TUBA3D: variants seen among roughly 807,000 people sequenced by gnomAD.
TUBA3D encodes the protein tubulin alpha-3D chain.
TUBA3D carries 24 observed loss-of-function variants against 36.1 expected under a neutral mutation model. The ratio of observed to expected loss-of-function variants is 0.66; its 90% CI spans 0.48 to 0.93. TUBA3D has a LOEUF of 0.93. TUBA3D is among the 40% of genes least tolerant of loss of function. TUBA3D has a pLI of 0.00. For missense variants in TUBA3D, 356 were observed against 614.5 expected (o/e 0.58, Z 4.45); for synonymous variants, 185 against 247.2 (o/e 0.75, Z 2.36).
chr2:131,479,244 G>C (rs1009218048), intron 2 of TUBA3D, 64 bp from the exon 3 acceptor site: 1 of 1,578,964 alleles, frequency 6.3e-7, no homozygotes, highest in Non-Finnish European at 8.6e-7. Context: ...AACACTCCTG[G>C]AATGTGTCCA....
In TUBA3D at chr2:131,480,659, C is replaced by T. The variant is rs755153413; in HGVS notation, c.966C>T (p.Asp322=). Residue 322 remains aspartate, a synonymous_variant, in exon 4 of 5, where the codon GAC becomes GAT. Coordinates refer to ENST00000321253, the MANE Select transcript of TUBA3D (RefSeq NM_080386.4). ...CCTGCTGCATGTTGTACAGGGGGGA[C>T]GTGGTCCCCAAAGACGTCAACGCGG... ...YMACCMLYRG[D]VVPKDVNAAI... 25 of 1,613,724 alleles carry T rather than the reference C, an allele frequency of 1.5e-5. No individual in the cohort carries two copies. The highest frequency in any genetic ancestry group is 1.4e-4 in the South Asian group (13 of 91,082).
At position 131,476,190 on chromosome 2, in the gene TUBA3D, G is replaced by A. The variant is rs139373599; in HGVS notation, c.-10G>A. The A allele has an allele frequency of 6.8e-3, 10,898 of 1,613,116 alleles. 604 individuals carry two copies. In the African/African-American group the frequency reaches 0.12, roughly 18 times the overall value. ...GGCAGTAGCGTTGGGCTGAAGCAGC[G>A]GAGTTCGCCATGGTAAGGCCCGGGT... On this transcript the variant is annotated 5_prime_UTR_variant, in exon 1 of 5. Coordinates refer to ENST00000321253, the MANE Select transcript of TUBA3D (RefSeq NM_080386.4).
intron 1 of TUBA3D, among the ~76,000 whole-genome samples, chr2:131,477,553 T>C: frequency 7.0e-6 from 1 of 143,406 alleles, no homozygotes; most frequent in Non-Finnish European, 1.5e-5. Context: ...GGGAGTACCC[T>C]GGCACTGCTT....
chr2:131,481,709 A>T (rs1470195686), intron 4 of TUBA3D, among the ~76,000 whole-genome samples: 12 of 152,134 alleles, frequency 7.9e-5, no homozygotes, highest in Non-Finnish European at 1.6e-4. Flanking sequence ...GCTGGATTAC[A>T]GGCACGAGCC....
chr2:131,476,259 G>C, intron 1 of TUBA3D, 57 bp downstream of exon 1: 5 of 1,613,214 alleles, frequency 3.1e-6, no homozygotes, highest in South Asian at 1.1e-5. Flanking sequence ...GTTGGCCTCG[G>C]GTGGACAGAG....
At chr2:131,478,657 C>T in intron 2 of TUBA3D, 2 of 629,732 alleles carry the variant, frequency 3.2e-6, no homozygotes, top group Non-Finnish European at 5.3e-6. Context: ...TGCCTCAGCC[C>T]TGCTCAGGTG....
chr2:131,482,166 G>C (rs960227537), intron 4 of TUBA3D, among the ~76,000 whole-genome samples: 1 of 152,172 alleles, frequency 6.6e-6, no homozygotes, highest in African/African-American at 2.4e-5. Flanking sequence ...GATAGCATGG[G>C]GAAGAGTTGT....
chr2:131,479,554 T>C (rs1678780899), intron 3 of TUBA3D, 98 bp downstream of exon 3: 16 of 1,566,536 alleles, frequency 1.0e-5, no homozygotes, highest in Non-Finnish European at 1.3e-5. Context: ...TAGACCAGCA[T>C]CTTGGCCGGG....
chr2:131,476,133 C>A lies in TUBA3D; in HGVS notation c.-67C>A, dbSNP rs1487677826. 1.2e-6 allele frequency: 2 copies of A among 1,611,886 alleles called. No individual in the cohort carries two copies. The highest frequency in any genetic ancestry group is 2.7e-5 in the African/African-American group (2 of 74,842). Reference sequence around the variant, plus strand: ...GCACAGGCAGGAGGTTGCAGTTGGGCGCTCAGCAGCTGTGGCAGCCGGTTG... The same window carrying A: ...GCACAGGCAGGAGGTTGCAGTTGGGAGCTCAGCAGCTGTGGCAGCCGGTTG... On this transcript the variant is annotated 5_prime_UTR_variant, in exon 1 of 5. Transcript: ENST00000321253.
chr2:131,482,917 G>A lies in TUBA3D; in HGVS notation c.*69G>A, dbSNP rs1470595728. 16 of 1,567,266 alleles carry A rather than the reference G, an allele frequency of 1.0e-5. No individual in the cohort carries two copies. Among genetic ancestry groups the A allele is most frequent in the African/African-American group, 8.1e-5 (6 of 73,808 alleles). ...TGCTTCCAAGTTGTTTGCAATTAAA[G>A]GTTCTGTATAAAACCAAGCCCTCTG... On this transcript the variant is annotated 3_prime_UTR_variant, in exon 5 of 5. Coordinates refer to ENST00000321253, the MANE Select transcript of TUBA3D (RefSeq NM_080386.4).
rs1051453706 is a variant in TUBA3D, at chr2:131,482,405, G to C, written c.1057-147G>C. Reference sequence around the variant, plus strand: ...TCATCTGGAACTATCACCCTGCCTGGTGCAGAGAAGGGCTTAGTGACGTTT... The same window carrying C: ...TCATCTGGAACTATCACCCTGCCTGCTGCAGAGAAGGGCTTAGTGACGTTT... On this transcript the variant is annotated intron_variant, in intron 4 of 4. Coordinates refer to ENST00000321253, the MANE Select transcript of TUBA3D (RefSeq NM_080386.4). 1,468 of 1,325,870 alleles carry C rather than the reference G, an allele frequency of 1.1e-3. 2 individuals carry two copies. Among genetic ancestry groups the C allele is most frequent in the Non-Finnish European group, 1.3e-3 (1,322 of 986,424 alleles). The allele number at this position is 1,325,870 out of a possible 1,614,324, so 82.1% of individuals were successfully genotyped here.
rs1474196601 is a variant in TUBA3D, at chr2:131,480,553, C to T, written c.860C>T (p.Ser287Phe). 9 of 1,609,828 alleles carry T rather than the reference C, an allele frequency of 5.6e-6. No individual in the cohort carries two copies. In the South Asian group the frequency reaches 8.8e-5, roughly 16 times the overall value. ...GAGAAGGCCTACCACGAGCAGCTGT[C>T]TGTGGCCGAGATCACCAATGCCTGC... ...SAEKAYHEQL[S>F]VAEITNACFE... is the part of the protein sequence containing the mutation. The change falls in exon 4 of 5, where the codon TCT becomes TTT. Residue 287 changes from serine to phenylalanine, a missense_variant. Physicochemically the swap from Ser to Phe is radical, Grantham distance 155. Around this residue, in one of 3 missense-constraint regions of TUBA3D, gnomAD observed 91 missense variants for 240.9 expected, o/e 0.38. Transcript: ENST00000321253.
At position 131,478,218 on chromosome 2, in the gene TUBA3D, T is replaced by C. The variant is rs1678739709; in HGVS notation, c.58T>C (p.Cys20Arg). The stretch of plus-strand genomic sequence containing the variant: ...GGCGGGTGTCCAGATCGGCAATGCC[T>C]GCTGGGAACTGTACTGCCTTGAACA... ...GQAGVQIGNA[C>R]WELYCLEHGI... Residue 20 changes from cysteine to arginine, a missense_variant, in exon 2 of 5, where the codon TGC becomes CGC. Coordinates refer to ENST00000321253, the MANE Select transcript of TUBA3D (RefSeq NM_080386.4). 16 of 1,614,128 alleles carry C rather than the reference T, an allele frequency of 9.9e-6. No homozygotes were observed. Among genetic ancestry groups the C allele is most frequent in the Non-Finnish European group, 1.4e-5 (16 of 1,179,946 alleles).
rs2463337 is a variant in TUBA3D, at chr2:131,480,596, A to C, written c.903A>C (p.Gln301His). 4 of 1,597,974 alleles carry C rather than the reference A, an allele frequency of 2.5e-6. No individual in the cohort carries two copies. The highest frequency in any genetic ancestry group is 3.4e-6 in the Non-Finnish European group (4 of 1,170,948). ...ATGCCTGCTTCGAGCCAGCCAATCA[A>C]ATGGTCAAGTGTGACCCTCGCCACG... is the stretch of plus-strand genomic sequence containing the variant. ...ITNACFEPAN[Q>H]MVKCDPRHGK... The change falls in exon 4 of 5, where the codon CAA becomes CAC. Residue 301 changes from glutamine (Q) to histidine (H), a missense_variant. Gln to His is a conservative substitution (Grantham distance 24). Transcript: ENST00000321253.
rs200837434 is a variant in TUBA3D, at chr2:131,482,699, C to T, written c.1204C>T (p.Arg402Trp). The T allele has an allele frequency of 3.8e-5, 61 of 1,614,012 alleles. No homozygotes were observed. The highest frequency in any genetic ancestry group is 4.7e-5 in the Non-Finnish European group (56 of 1,180,004). ...TAAGTTCGATCTCATGTATGCCAAG[C>T]GGGCCTTTGTGCACTGGTACGTGGG... ...DHKFDLMYAKRAFVHWYVGEG... is the reference protein window; with the variant it reads ...DHKFDLMYAKWAFVHWYVGEG... Residue 402 changes from arginine (R) to tryptophan (W), a missense_variant, in exon 5 of 5, where the codon CGG becomes TGG. Arg to Trp is a moderately radical substitution (Grantham distance 101). Around this residue, in one of 3 missense-constraint regions of TUBA3D, gnomAD observed 156 missense variants for 219.8 expected, o/e 0.71. Transcript: ENST00000321253.
chr2:131,479,800 A>G (rs1326703139), intron 3 of TUBA3D, among the ~76,000 whole-genome samples: 13 of 152,282 alleles, frequency 8.5e-5, no homozygotes, highest in African/African-American at 3.1e-4. Context: ...AGATTGCACT[A>G]CTGCACTCTA....
intron 3 of TUBA3D, 130 bp from the exon 4 acceptor site, chr2:131,479,939 C>G (rs1436782589): frequency 1.5e-6 from 2 of 1,342,558 alleles, no homozygotes; most frequent in East Asian, 4.9e-5. Flanking sequence ...TCAAAGTGTA[C>G]TGCATGTTTA....
At position 131,480,424 on chromosome 2, in the gene TUBA3D, T is replaced by C; in HGVS notation, c.731T>C (p.Phe244Ser). The C allele has an allele frequency of 1.3e-6, 2 of 1,588,696 alleles. No individual in the cohort carries two copies. The highest frequency in any genetic ancestry group is 1.7e-6 in the Non-Finnish European group (2 of 1,171,668). Residue 244 changes from phenylalanine (F) to serine (S), a missense_variant, in exon 4 of 5, where the codon TTT becomes TCT. Phe to Ser is a radical substitution (Grantham distance 155, BLOSUM62 -2). Around this residue, in one of 3 missense-constraint regions of TUBA3D, gnomAD observed 91 missense variants for 240.9 expected, o/e 0.38. Transcript: ENST00000321253. ...IVSSITASLR[F>S]DGALNVDLTE... The stretch of plus-strand genomic sequence containing the variant: ...TCCTCCATCACAGCCTCCCTGCGAT[T>C]TGATGGGGCCCTGAATGTGGACTTG...
Position 131,480,243 on chromosome 2 carries a change from C to T in TUBA3D, c.550C>T (p.Pro184Ser). 1 of 1,613,936 alleles carries T rather than the reference C, an allele frequency of 6.2e-7. No homozygotes were observed. Among genetic ancestry groups the T allele is most frequent in the Non-Finnish European group, 8.5e-7 (1 of 1,180,034 alleles). Residue 184 changes from proline to serine, a missense_variant, in exon 4 of 5, where the codon CCC (proline) becomes TCC (serine). Pro to Ser is a moderately conservative substitution (Grantham distance 74, BLOSUM62 -1). This residue lies in a region of TUBA3D where 91 missense variants were observed against 240.9 expected (regional missense o/e 0.38). Coordinates refer to ENST00000321253, the MANE Select transcript of TUBA3D (RefSeq NM_080386.4). ...CCAGGTCTCCACAGCCGTGGTGGAG[C>T]CCTACAACTCCATCCTGACCACCCA... Reference protein sequence around the residue: ...APQVSTAVVEPYNSILTTHTT... With the variant: ...APQVSTAVVESYNSILTTHTT...
Sources: allele counts gnomAD v4.1 joint callset (sites outside exome capture counted in the v4.1 genomes callset), GRCh38; gene constraint gnomAD v4.1.1; regional missense constraint gnomAD v4.1.1; transcripts MANE v1.5; gene names NCBI Gene and HGNC (gene_info 2026-07-23, HGNC 2026-07-21).